Variants in SRBD1 observed in about 807,000 individuals in gnomAD.
SRBD1 encodes the protein S1 RNA-binding domain-containing protein 1.
A neutral mutation model predicts 115.3 loss-of-function variants in SRBD1; 88 were observed. The observed-to-expected ratio is 0.76, with a 90% confidence interval of 0.64 to 0.91. The LOEUF (loss-of-function observed/expected upper bound fraction) is 0.91. Ranked by LOEUF, SRBD1 falls within the 40% of genes least tolerant of loss-of-function variation. The pLI is 0.00. For synonymous variants in SRBD1, 509 were observed against 407.7 expected (o/e 1.25, Z -2.99); for missense variants, 1,385 against 1,177.4 (o/e 1.18, Z -2.58).
chr2:45,578,423 C>G (rs1673243606), intron 7 of SRBD1, among the ~76,000 whole-genome samples: 1 of 152,056 alleles, frequency 6.6e-6, no homozygotes, highest in African/African-American at 2.4e-5. Flanking sequence ...TCACATAATC[C>G]TTTTTTACTT....
At chr2:45,551,904 T>C (rs555414697) in intron 11 of SRBD1, among the ~76,000 whole-genome samples, 13 of 152,136 alleles carry the variant, frequency 8.5e-5, no homozygotes, top group African/African-American at 3.1e-4. Context: ...GTAATATGCA[T>C]TGGAAAAGAC....
chr2:45,393,001 G>A lies in SRBD1; in HGVS notation c.2642C>T (p.Thr881Ile). Residue 881 changes from threonine to isoleucine, a missense_variant, in exon 20 of 21, where the codon ACC becomes ATC. Transcript: ENST00000263736. ...GAGACCATCTATGATGACCTGTAAGGTGTGTACTGTTGTTTGCAATCTTTC... is the reference window on the plus strand; with the variant it reads ...GAGACCATCTATGATGACCTGTAAGATGTGTACTGTTGTTTGCAATCTTTC... ...IAERLQTTVH[T>I]LQVIIDGLSQ... 6.2e-7 allele frequency: 1 copy of A among 1,614,018 alleles called. No homozygotes were observed. Among genetic ancestry groups the A allele is most frequent in the South Asian group, 1.1e-5 (1 of 91,062 alleles).
At chr2:45,511,754 A>G (rs1670977858) in intron 14 of SRBD1, among the ~76,000 whole-genome samples, 2 of 152,208 alleles carry the variant, frequency 1.3e-5, no homozygotes, top group African/African-American at 4.8e-5. Flanking sequence ...AATACTTCCC[A>G]GTGCTGACGC....
At position 45,599,543 on chromosome 2, in the gene SRBD1, T is replaced by G; in HGVS notation, c.554A>C (p.Lys185Thr). Reference protein sequence around the residue: ...TFGQSALKKIKTETYPQGQPV... With the variant: ...TFGQSALKKITTETYPQGQPV... ...CTGCCCCTGAGGATATGTCTCAGTC[T>G]TGATTTTCTTTAAAGCGGACTGACC... The change falls in exon 4 of 21, where the codon AAG (lysine) becomes ACG (threonine). Residue 185 changes from lysine (K) to threonine (T), a missense_variant. Physicochemically the swap from Lys to Thr is moderately conservative, Grantham distance 78. Transcript: ENST00000263736. 1.2e-6 allele frequency: 2 copies of G among 1,614,242 alleles called. No homozygotes were observed. Among genetic ancestry groups the G allele is most frequent in the Non-Finnish European group, 1.7e-6 (2 of 1,180,042 alleles).
chr2:45,502,033 AC>A (rs1178758722), intron 14 of SRBD1, among the ~76,000 whole-genome samples: 1 of 151,914 alleles, frequency 6.6e-6, no homozygotes, highest in African/African-American at 2.4e-5. Flanking sequence ...ACTGGGAGGC[AC>A]CCCCCAGTAG....
At chr2:45,410,227 A>C (rs1008741125) in intron 19 of SRBD1, among the ~76,000 whole-genome samples, 1 of 152,224 alleles carries the variant, frequency 6.6e-6, no homozygotes, top group Non-Finnish European at 1.5e-5. Flanking sequence ...GGCTAAAAAC[A>C]ACCATCACCA....
intron 4 of SRBD1, among the ~76,000 whole-genome samples, chr2:45,587,608 A>G (rs1047868006): frequency 6.6e-6 from 1 of 152,210 alleles, no homozygotes; most frequent in African/African-American, 2.4e-5. Context: ...CCAGATACAT[A>G]ACAGACTGAA....
At chr2:45,428,314 G>A (rs987053193) in intron 16 of SRBD1, among the ~76,000 whole-genome samples, 1 of 152,140 alleles carries the variant, frequency 6.6e-6, no homozygotes, top group Non-Finnish European at 1.5e-5. Context: ...ACTTTGGGAG[G>A]CCGAGGCGGG....
At chr2:45,537,607 T>C (rs1300934453) in intron 14 of SRBD1, among the ~76,000 whole-genome samples, 1 of 152,176 alleles carries the variant, frequency 6.6e-6, no homozygotes, top group Non-Finnish European at 1.5e-5. Context: ...ATCTGTGTCC[T>C]ATAAAATGGG....
chr2:45,418,658 T>G (rs1667906662), intron 17 of SRBD1, 117 bp from the exon 18 acceptor site: 1 of 863,800 alleles, frequency 1.2e-6, no homozygotes, highest in East Asian at 3.6e-5. Context: ...CTAAGTTAAG[T>G]TAATCCAAAA....
chr2:45,492,844 T>C (rs12996089), intron 14 of SRBD1, among the ~76,000 whole-genome samples: 21,774 of 152,298 alleles, frequency 0.14, 1,623 homozygotes, highest in Middle Eastern at 0.19. Context: ...TTCCCAAATA[T>C]GAAAATAACT....
At chr2:45,591,326 C>T (rs552611193) in intron 4 of SRBD1, among the ~76,000 whole-genome samples, 2 of 152,310 alleles carry the variant, frequency 1.3e-5, no homozygotes, top group South Asian at 4.1e-4. Flanking sequence ...ATGATTTCAT[C>T]TCTGACCTAA....
intron 1 of SRBD1, among the ~76,000 whole-genome samples, chr2:45,610,323 T>G (rs1160760370): frequency 6.6e-6 from 1 of 152,210 alleles, no homozygotes; most frequent in East Asian, 1.9e-4. Context: ...GAGGACAATT[T>G]CTTAAGAAGC....
At chr2:45,474,575 C>A (rs1263753722) in intron 16 of SRBD1, among the ~76,000 whole-genome samples, 1 of 152,200 alleles carries the variant, frequency 6.6e-6, no homozygotes, top group Non-Finnish European at 1.5e-5. Context: ...ACAGGCCTAG[C>A]TTTGCTATAT....
intron 14 of SRBD1, among the ~76,000 whole-genome samples, chr2:45,545,211 C>T (rs889832389): frequency 1.4e-5 from 2 of 138,582 alleles, no homozygotes; most frequent in Non-Finnish European, 3.0e-5. Flanking sequence ...ACCTGGGACA[C>T]AGAGCTTGCA....
chr2:45,456,826 T>C (rs1004046940), intron 16 of SRBD1, among the ~76,000 whole-genome samples: 2 of 151,902 alleles, frequency 1.3e-5, no homozygotes, highest in African/African-American at 4.8e-5. Flanking sequence ...TGACTTACAG[T>C]TGTAAAAGCA....
intron 16 of SRBD1, among the ~76,000 whole-genome samples, chr2:45,476,534 C>A (rs988166732): frequency 1.3e-5 from 2 of 152,100 alleles, no homozygotes; most frequent in African/African-American, 4.8e-5. Context: ...TGAACACATA[C>A]AACCTCAAGA....
At position 45,524,089 on chromosome 2, in the gene SRBD1, G is replaced by T. The variant is rs1025395524; in HGVS notation, c.1874+22643C>A. Among the ~76,000 whole-genome samples, 5 of 152,078 alleles carry T rather than the reference G, an allele frequency of 3.3e-5. No homozygotes were observed. In the South Asian group the frequency reaches 8.3e-4, roughly 25 times the overall value. On this transcript the variant is annotated intron_variant, in intron 14 of 20. Transcript: ENST00000263736. Reference sequence around the variant, plus strand: ...ATCGCAGAAACAAAAAAAGGAGTTTGACAGAAGGGAGTATCTTTTCATGAT... The same window carrying T: ...ATCGCAGAAACAAAAAAAGGAGTTTTACAGAAGGGAGTATCTTTTCATGAT...
chr2:45,556,674 G>A (rs1672489270), intron 10 of SRBD1, among the ~76,000 whole-genome samples: 1 of 151,846 alleles, frequency 6.6e-6, no homozygotes, highest in Non-Finnish European at 1.5e-5. Flanking sequence ...CTTTGTGCAG[G>A]CCAGTCTCGA....
Sources: allele counts gnomAD v4.1 joint callset (sites outside exome capture counted in the v4.1 genomes callset), GRCh38; gene constraint gnomAD v4.1.1; transcripts MANE v1.5; gene names NCBI Gene and HGNC (gene_info 2026-07-23, HGNC 2026-07-21).